Variants in LIN7A observed in about 807,000 individuals in gnomAD.
LIN7A encodes lin-7 cell polarity scaffold A.
Under a neutral mutation model 29.8 loss-of-function variants are expected in LIN7A, and 25 were observed. The ratio of observed to expected loss-of-function variants is 0.84; its 90% CI spans 0.61 to 1.17. The LOEUF is 1.17. Ranked by LOEUF, LIN7A falls within the 50% of genes most tolerant of loss-of-function variation. The pLI, the probability that LIN7A is intolerant of heterozygous loss-of-function variation, is 0.00. For synonymous variants in LIN7A, 118 were observed against 107.5 expected (o/e 1.10, Z -0.60); for missense variants, 239 against 287.0 (o/e 0.83, Z 1.21).
intron 5 of LIN7A, among the ~76,000 whole-genome samples, chr12:80,803,213 A>G (rs952026446): frequency 1.3e-5 from 2 of 152,134 alleles, no homozygotes; most frequent in Non-Finnish European, 2.9e-5. Context: ...TGCCCAAACC[A>G]ATGTTGTGGA....
intron 1 of LIN7A, among the ~76,000 whole-genome samples, chr12:80,930,671 T>C (rs762905945): frequency 4.6e-5 from 7 of 152,232 alleles, no homozygotes; most frequent in Admixed American, 2.6e-4. Flanking sequence ...TGCAGACAAC[T>C]GAAACAGGGC....
intron 1 of LIN7A, among the ~76,000 whole-genome samples, chr12:80,934,874 T>C (rs1234724893): frequency 6.6e-6 from 1 of 152,208 alleles, no homozygotes; most frequent in Non-Finnish European, 1.5e-5. Flanking sequence ...CTTCCTCTCC[T>C]TTGCCCACCT....
chr12:80,871,674 A>G (rs1162879153), intron 2 of LIN7A, among the ~76,000 whole-genome samples: 1 of 151,968 alleles, frequency 6.6e-6, no homozygotes. Context: ...AAACAGCCAG[A>G]TAGAGACTAA....
intron 1 of LIN7A, among the ~76,000 whole-genome samples, chr12:80,934,068 C>T (rs1351299847): frequency 6.6e-6 from 1 of 152,160 alleles, no homozygotes; most frequent in East Asian, 1.9e-4. Flanking sequence ...TCCCATTAGA[C>T]TCGTAAGGAC....
At chr12:80,849,911 A>T (rs982961170) in intron 2 of LIN7A, among the ~76,000 whole-genome samples, 3 of 152,140 alleles carry the variant, frequency 2.0e-5, no homozygotes, top group African/African-American at 7.2e-5. Flanking sequence ...GTTCCTGGTC[A>T]TCTGAATTTG....
chr12:80,879,505 T>C (rs1290426041), intron 2 of LIN7A, among the ~76,000 whole-genome samples: 1 of 151,730 alleles, frequency 6.6e-6, no homozygotes, highest in East Asian at 1.9e-4. Context: ...CCAAATCATA[T>C]AAAAAAAGAA....
chr12:80,887,704 T>C (rs1875405263), intron 2 of LIN7A, among the ~76,000 whole-genome samples: 1 of 152,136 alleles, frequency 6.6e-6, no homozygotes, highest in Non-Finnish European at 1.5e-5. Context: ...TATTGTATTG[T>C]ATATTTATTT....
At chr12:80,870,437 T>C (rs573925702) in intron 2 of LIN7A, among the ~76,000 whole-genome samples, 4 of 152,262 alleles carry the variant, frequency 2.6e-5, no homozygotes, top group South Asian at 2.1e-4. Flanking sequence ...GTCCACATGA[T>C]TGGAACTGAT....
intron 4 of LIN7A, among the ~76,000 whole-genome samples, chr12:80,818,425 G>A (rs1447180382): frequency 6.6e-6 from 1 of 152,164 alleles, no homozygotes; most frequent in Non-Finnish European, 1.5e-5. Flanking sequence ...TGTTAAAAAG[G>A]TAATGAAAAG....
At chr12:80,811,006 T>C (rs1871260906) in intron 5 of LIN7A, among the ~76,000 whole-genome samples, 1 of 152,200 alleles carries the variant, frequency 6.6e-6, no homozygotes, top group Non-Finnish European at 1.5e-5. Flanking sequence ...TATCTCAGTA[T>C]TCTAAAGGAG....
intron 1 of LIN7A, among the ~76,000 whole-genome samples, chr12:80,918,441 A>T (rs1482718372): frequency 6.6e-6 from 1 of 151,996 alleles, no homozygotes; most frequent in East Asian, 1.9e-4. Context: ...TTATGGGCAT[A>T]ATGCAACTCT....
At chr12:80,917,707 A>G (rs1877097617) in intron 1 of LIN7A, among the ~76,000 whole-genome samples, 1 of 152,024 alleles carries the variant, frequency 6.6e-6, no homozygotes, top group East Asian at 1.9e-4. Context: ...CATACTTTTA[A>G]TAATTATAAA....
chr12:80,879,068 A>C (rs1874879692), intron 2 of LIN7A, among the ~76,000 whole-genome samples: 1 of 152,222 alleles, frequency 6.6e-6, no homozygotes, highest in Non-Finnish European at 1.5e-5. Context: ...ACACAGTCTC[A>C]CACAGTTACA....
At chr12:80,834,839 A>G (rs927023347) in intron 4 of LIN7A, among the ~76,000 whole-genome samples, 11 of 152,330 alleles carry the variant, frequency 7.2e-5, no homozygotes, top group Non-Finnish European at 1.2e-4. Context: ...CCTTAGACTT[A>G]CACTTGGCTT....
intron 5 of LIN7A, among the ~76,000 whole-genome samples, chr12:80,798,064 G>A (rs1032464706): frequency 2.0e-5 from 3 of 152,112 alleles, no homozygotes; most frequent in East Asian, 1.9e-4. Flanking sequence ...TTTATGTTAC[G>A]ACTCTTAGGG....
chr12:80,901,198 A>G (rs1007710033), intron 1 of LIN7A, among the ~76,000 whole-genome samples: 3 of 152,144 alleles, frequency 2.0e-5, no homozygotes, highest in South Asian at 2.1e-4. Flanking sequence ...ATATAACTCA[A>G]CAGTGCACTG....
intron 1 of LIN7A, among the ~76,000 whole-genome samples, chr12:80,921,870 A>G (rs1195043624): frequency 6.6e-6 from 1 of 152,232 alleles, no homozygotes; most frequent in Non-Finnish European, 1.5e-5. Context: ...TCATTCATCC[A>G]GAGGCATGTA....
chr12:80,797,693 C>T lies in LIN7A; in HGVS notation c.*34G>A, dbSNP rs564619000. On this transcript the variant is annotated 3_prime_UTR_variant, in exon 6 of 6. Coordinates refer to ENST00000552864, the MANE Select transcript of LIN7A (RefSeq NM_004664.4). ...AGCACGGTTTCAAATTTGTGACTAT[C>T]GGATGTTTGATCAAGTAGCTTTCCC... 2 of 152,658 alleles carry T rather than the reference C, an allele frequency of 1.3e-5. No homozygotes were observed. Among genetic ancestry groups the T allele is most frequent in the East Asian group, 1.9e-4 (1 of 5,180 alleles). 9.5% of individuals were successfully genotyped at this position (152,658 alleles called of 1,614,324 possible). A position where few individuals can be genotyped will look rare whatever the true frequency, so the allele number is the denominator to read the frequency against.
intron 2 of LIN7A, among the ~76,000 whole-genome samples, chr12:80,855,142 C>T (rs925904596): frequency 1.3e-5 from 2 of 151,736 alleles, no homozygotes; most frequent in African/African-American, 2.4e-5. Context: ...AAAGTAAATG[C>T]TTCAACAACA....
Sources: allele counts gnomAD v4.1 joint callset (sites outside exome capture counted in the v4.1 genomes callset), GRCh38; gene constraint gnomAD v4.1.1; transcripts MANE v1.5; gene names NCBI Gene and HGNC (gene_info 2026-07-23, HGNC 2026-07-21).